C2: variants seen among roughly 807,000 people sequenced by gnomAD.
C2 encodes the protein C3/C5 convertase.
C2 carries 64 observed loss-of-function variants against 85.2 expected under a neutral mutation model. That is an observed-to-expected ratio of 0.75 (90% CI 0.61 to 0.92). The LOEUF (loss-of-function observed/expected upper bound fraction) is 0.92, where lower values mean the gene tolerates loss of function less well. Among genes scored for constraint, C2 ranks in the 40% least tolerant of loss-of-function variants. The pLI is 0.00. For missense variants in C2, 820 were observed against 971.6 expected (o/e 0.84, Z 2.07); for synonymous variants, 311 against 370.8 (o/e 0.84, Z 1.85).
At chr6:31,912,548 T>C (rs889788987) in intron 1 of C2, among the ~76,000 whole-genome samples, 1 of 152,144 alleles carries the variant, frequency 6.6e-6, no homozygotes, top group Admixed American at 6.5e-5. Context: ...TCTTTAGAGA[T>C]TGGTTACCAG....
At chr6:31,908,164 A>G (rs1038593430) in intron 1 of C2, among the ~76,000 whole-genome samples, 7 of 147,416 alleles carry the variant, frequency 4.7e-5, no homozygotes, top group African/African-American at 1.8e-4. Flanking sequence ...TTTTTTTTTA[A>G]TTAAAAGTGG....
intron 3 of C2, among the ~76,000 whole-genome samples, chr6:31,933,103 G>A (rs920390441): frequency 3.3e-5 from 5 of 152,204 alleles, no homozygotes; most frequent in Non-Finnish European, 7.3e-5. Flanking sequence ...GAGGGAGACC[G>A]TGGAAAGAGA....
Position 31,945,447 on chromosome 6 carries a change from C to T in C2, c.*90C>T. On this transcript the variant is annotated 3_prime_UTR_variant, in exon 18 of 18. Transcript: ENST00000299367. This position sits in a 1 kb window ranked among gnomAD's most constrained non-coding sequence, Gnocchi z 5.3. ...ATGGCCACCCTTAGACCCTGTGATC[C>T]ATCCTCTCTCCTAGCTGAGTAAATC... is the stretch of plus-strand genomic sequence containing the variant. 8.2e-7 allele frequency: 1 copy of T among 1,220,860 alleles called. No individual in the cohort carries two copies. The highest frequency in any genetic ancestry group is 2.3e-5 in the East Asian group (1 of 43,070). The allele number at this position is 1,220,860 out of a possible 1,614,324, so 75.6% of individuals were successfully genotyped here. A position where few individuals can be genotyped will look rare whatever the true frequency, so the allele number is the denominator to read the frequency against.
Position 31,932,990 on chromosome 6 carries a change from C to G in C2, c.443-620C>G, listed in dbSNP as rs189171210. On this transcript the variant is annotated intron_variant, in intron 3 of 17. Coordinates refer to ENST00000299367, the MANE Select transcript of C2 (RefSeq NM_000063.6). ...AACCAGTCAGGCGTGGCGGCGCGCG[C>G]CTGCAATCGCAGGCACTCGGCAAGC... is the stretch of plus-strand genomic sequence containing the variant. 5.6e-4 allele frequency among the ~76,000 whole-genome samples: 85 copies of G among 152,354 alleles called. 1 individual carries two copies. The highest frequency in any genetic ancestry group is 1.8e-3 in the Admixed American group (27 of 15,308).
At chr6:31,901,284 G>A (rs2151690672) in intron 1 of C2, 1 of 1,612,092 alleles carries the variant, frequency 6.2e-7, no homozygotes, top group African/African-American at 1.3e-5. Context: ...TGGAAGCGCA[G>A]GACTTCCACC....
chr6:31,933,199 G>C (rs2734333), intron 3 of C2, among the ~76,000 whole-genome samples: 2 of 152,310 alleles, frequency 1.3e-5, no homozygotes, highest in South Asian at 4.1e-4. Flanking sequence ...GTATGCACTT[G>C]CTTCTCTTGA....
rs539090207 is a variant in C2 at position 31,943,906 on chromosome 6, C to A, written c.1734-11C>A. On this transcript the variant is annotated splice_polypyrimidine_tract_variant and intron_variant, in intron 13 of 17. Coordinates refer to ENST00000299367, the MANE Select transcript of C2 (RefSeq NM_000063.6). The surrounding 1 kb of genome is among the most constrained non-coding windows in gnomAD (Gnocchi z 6.4). ...GGGACAGGCTGGTGTGACCCTTGCT[C>A]TTCTCCCCAGGCCCATCTGCCTTCC... 6.2e-7 allele frequency: 1 copy of A among 1,612,802 alleles called. No homozygotes were observed. The highest frequency in any genetic ancestry group is 2.2e-5 in the East Asian group (1 of 44,886).
At chr6:31,916,843 G>C (rs1230439730), upstream of C2, among the ~76,000 whole-genome samples, 1 of 141,168 alleles carries the variant, frequency 7.1e-6, no homozygotes, top group Admixed American at 7.2e-5. Context: ...CTCCAGCCTG[G>C]GTGACAGGGC....
At chr6:31,914,885 C>T (rs1199555230) in intron 1 of C2, among the ~76,000 whole-genome samples, 10 of 152,132 alleles carry the variant, frequency 6.6e-5, no homozygotes, top group Admixed American at 6.6e-4. Flanking sequence ...TGCACTCCAG[C>T]CTGGGCGACA....
chr6:31,937,609 C>T, intron 8 of C2, 150 bp downstream of exon 8: 1 of 913,866 alleles, frequency 1.1e-6, no homozygotes, highest in East Asian at 2.6e-5. Context: ...CTATGTTGCC[C>T]AGCTGATCTC....
intron 9 of C2, 52 bp from the exon 10 acceptor site, chr6:31,942,907 T>C: frequency 6.2e-7 from 1 of 1,610,464 alleles, no homozygotes. Flanking sequence ...TCCTGTCTCA[T>C]GGGGTAGCCC....
chr6:31,915,974 C>A (rs895656826), upstream of C2, among the ~76,000 whole-genome samples: 1 of 152,210 alleles, frequency 6.6e-6, no homozygotes, highest in Non-Finnish European at 1.5e-5. Context: ...TCACAGCGTT[C>A]CTACCCTTTA....
chr6:31,937,204 C>CT (rs1315313534), intron 7 of C2, 115 bp from the exon 8 acceptor site: 9 of 1,002,138 alleles, frequency 9.0e-6, no homozygotes, highest in Non-Finnish European at 1.2e-5. Flanking sequence ...GCGAGACTCT[C>CT]TCAAAAAAAA....
chr6:31,902,783 C>G (rs1348559824), intron 1 of C2, among the ~76,000 whole-genome samples: 2 of 152,182 alleles, frequency 1.3e-5, no homozygotes, highest in African/African-American at 2.4e-5. Flanking sequence ...AGGATTGATC[C>G]CAACTTCTTG....
At chr6:31,908,128 G>C (rs1411894338) in intron 1 of C2, among the ~76,000 whole-genome samples, 3 of 150,236 alleles carry the variant, frequency 2.0e-5, no homozygotes, top group Non-Finnish European at 4.4e-5. Flanking sequence ...TTACAGGCAT[G>C]AGCCGCAGCA....
In C2 at chr6:31,928,139, GTC is replaced by G. The variant is rs772970793; in HGVS notation, c.235_236del (p.Leu79ValfsTer2). 1 of 1,611,932 alleles carries G rather than the reference GTC, an allele frequency of 6.2e-7. No homozygotes were observed. Among genetic ancestry groups the G allele is most frequent in the Non-Finnish European group, 8.5e-7 (1 of 1,179,846 alleles). On this transcript the variant is annotated frameshift_variant, in exon 2 of 18. Coordinates refer to ENST00000299367, the MANE Select transcript of C2 (RefSeq NM_000063.6). LOFTEE classifies it high-confidence loss of function. ...GQWQTPGATR[S>X]LSKAVCKPVR... ...AGTGGCAGACCCCAGGAGCCACCCG[GTC>G]TCTGTCTAAGGCGGTCTGCAAACGT... is the stretch of plus-strand genomic sequence containing the variant.
In C2 at chr6:31,944,943, C is replaced by A; in HGVS notation, c.2030-37C>A. 1.2e-6 allele frequency: 2 copies of A among 1,612,938 alleles called. No individual in the cohort carries two copies. Among genetic ancestry groups the A allele is most frequent in the South Asian group, 2.2e-5 (2 of 91,084 alleles). On this transcript the variant is annotated intron_variant, in intron 16 of 17. Coordinates refer to ENST00000299367, the MANE Select transcript of C2 (RefSeq NM_000063.6). This position sits in a 1 kb window ranked among gnomAD's most constrained non-coding sequence, Gnocchi z 5.1. ...CATGCCAGAACACCAGTCCACTGCC[C>A]TAGATGACACTGTCTCCTGTCACCC...
chr6:31,924,995 C>T (rs966737849), upstream of C2, among the ~76,000 whole-genome samples: 2 of 152,102 alleles, frequency 1.3e-5, no homozygotes, highest in Admixed American at 1.3e-4. Flanking sequence ...AGAGACCTTG[C>T]AGCTTATGTT....
chr6:31,912,557 A>G (rs1373255174), intron 1 of C2, among the ~76,000 whole-genome samples: 1 of 152,100 alleles, frequency 6.6e-6, no homozygotes, highest in Non-Finnish European at 1.5e-5. Flanking sequence ...ATTGGTTACC[A>G]GGCCGGGCAC....
Sources: allele counts gnomAD v4.1 joint callset (sites outside exome capture counted in the v4.1 genomes callset), GRCh38; gene constraint gnomAD v4.1.1; non-coding constraint Gnocchi (gnomAD v3.1); transcripts MANE v1.5; gene names NCBI Gene and HGNC (gene_info 2026-07-23, HGNC 2026-07-21).